The following PPP6R2 variants were observed in gnomAD, a reference collection of about 807,000 sequenced individuals.
The protein encoded by PPP6R2 is protein phosphatase 6 regulatory subunit 2.
In PPP6R2, 62 loss-of-function variants were observed where a neutral mutation model predicts 100.2. The ratio of observed to expected loss-of-function variants is 0.62; its 90% CI spans 0.50 to 0.76. The LOEUF (loss-of-function observed/expected upper bound fraction) is 0.76, where lower values mean the gene tolerates loss of function less well. Ranked by LOEUF, PPP6R2 falls within the 30% of genes least tolerant of loss-of-function variation. The pLI, the probability that PPP6R2 is intolerant of heterozygous loss-of-function variation, is 0.00. For missense variants in PPP6R2, 1,142 were observed against 1,276.3 expected, an observed-to-expected ratio of 0.89 and a Z score of 1.60; for synonymous variants, 525 against 514.7, an observed-to-expected ratio of 1.02 and a Z score of -0.27.
chr22:50,354,450 C>G (rs2046011839), intron 1 of PPP6R2, among the ~76,000 whole-genome samples: 1 of 152,134 alleles, frequency 6.6e-6, no homozygotes, highest in Non-Finnish European at 1.5e-5. Flanking sequence ...CATGTAGATG[C>G]TCAACAAGTT....
At chr22:50,374,008 A>C (rs2148563277) in intron 2 of PPP6R2, among the ~76,000 whole-genome samples, 1 of 152,222 alleles carries the variant, frequency 6.6e-6, no homozygotes, top group South Asian at 2.1e-4. Context: ...TACTGGGATT[A>C]TTATAGGCGT....
chr22:50,418,505 G>A (rs2060851633), intron 6 of PPP6R2, among the ~76,000 whole-genome samples: 1 of 151,824 alleles, frequency 6.6e-6, no homozygotes, highest in African/African-American at 2.4e-5. Context: ...CCTGCCCTCA[G>A]CCAACCGAGT....
chr22:50,340,448 GGTGT>G (rs376846049), upstream of PPP6R2, among the ~76,000 whole-genome samples: 2 of 138,608 alleles, frequency 1.4e-5, no homozygotes, highest in Admixed American at 1.5e-4. Flanking sequence ...TGTGGTATGT[GGTGT>G]GTGTGTGGTA....
rs1395969186 is a variant in PPP6R2, at chr22:50,371,811, A to AT, written c.-147-203dup. ...GCCACCACACCCGGCTAATTTTTGTATTTTTTGGTAGAAATGAGGTTTTTC... is the reference window on the plus strand; with the variant it reads ...GCCACCACACCCGGCTAATTTTTGTATTTTTTTGGTAGAAATGAGGTTTTTC... On this transcript the variant is annotated intron_variant, in intron 1 of 23. Transcript: ENST00000612753. Among the ~76,000 whole-genome samples the AT allele has an allele frequency of 2.6e-5, 4 of 151,970 alleles. No individual in the cohort carries two copies. In the East Asian group the frequency reaches 5.8e-4, roughly 22 times the overall value.
chr22:50,416,397 C>T (rs2060544289), intron 6 of PPP6R2, among the ~76,000 whole-genome samples: 1 of 151,020 alleles, frequency 6.6e-6, no homozygotes, highest in African/African-American at 2.4e-5. Context: ...GGTGCAATCT[C>T]GGCTCACCAC....
chr22:50,424,985 CTT>C (rs754068988), intron 10 of PPP6R2, among the ~76,000 whole-genome samples: 8 of 152,210 alleles, frequency 5.3e-5, no homozygotes, highest in Non-Finnish European at 1.0e-4. Context: ...TTCTTCCTCT[CTT>C]TTATATTTAC....
chr22:50,412,577 T>C (rs2059901799), intron 4 of PPP6R2, among the ~76,000 whole-genome samples: 1 of 151,946 alleles, frequency 6.6e-6, no homozygotes. Context: ...TTGTGGAGTT[T>C]TAGTATGTTC....
chr22:50,441,768 C>T (rs1410576878), intron 22 of PPP6R2, among the ~76,000 whole-genome samples: 1 of 152,176 alleles, frequency 6.6e-6, no homozygotes, highest in Non-Finnish European at 1.5e-5. Flanking sequence ...CATCCGTCCC[C>T]AGGGCCACAG....
chr22:50,380,273 G>A (rs554595228), intron 2 of PPP6R2, among the ~76,000 whole-genome samples: 11 of 151,298 alleles, frequency 7.3e-5, no homozygotes, highest in Middle Eastern at 6.8e-3. Context: ...GGGTTTTACC[G>A]TGTTAGCCAG....
intron 4 of PPP6R2, among the ~76,000 whole-genome samples, chr22:50,408,409 G>A (rs141294672): frequency 3.9e-5 from 6 of 152,270 alleles, no homozygotes; most frequent in Non-Finnish European, 8.8e-5. Flanking sequence ...GTGGAATGCC[G>A]TCTTCCCTTG....
intron 1 of PPP6R2, among the ~76,000 whole-genome samples, chr22:50,356,786 T>G (rs2046684666): frequency 6.6e-6 from 1 of 151,816 alleles, no homozygotes; most frequent in African/African-American, 2.4e-5. Flanking sequence ...AATAAAAAAA[T>G]TAGCCGGCCA....
chr22:50,403,010 C>T (rs9616951), intron 3 of PPP6R2, among the ~76,000 whole-genome samples: 51,136 of 151,880 alleles, frequency 0.34, 9,555 homozygotes, highest in East Asian at 0.74. Context: ...GTCAGGAGTT[C>T]GAGACCAGCC....
intron 2 of PPP6R2, among the ~76,000 whole-genome samples, chr22:50,384,035 CAAAAAAAAA>C (rs547396966): frequency 6.6e-5 from 5 of 75,928 alleles, no homozygotes; most frequent in African/African-American, 1.8e-4. Flanking sequence ...GACTCCATCT[CAAAAAAAAA>C]AAAAAAAAAA....
chr22:50,346,654 G>T (rs1388147924), intron 1 of PPP6R2, among the ~76,000 whole-genome samples: 1 of 126,402 alleles, frequency 7.9e-6, no homozygotes, highest in African/African-American at 3.2e-5. Context: ...CCGTCAGTCA[G>T]TGCCCCTTGC....
intron 1 of PPP6R2, among the ~76,000 whole-genome samples, chr22:50,346,637 C>T (rs570222194): frequency 7.3e-6 from 1 of 137,516 alleles, no homozygotes; most frequent in Non-Finnish European, 1.6e-5. Context: ...CCCATCAGTG[C>T]CCCCCACCGT....
chr22:50,420,037 C>T (rs769581692), intron 8 of PPP6R2, among the ~76,000 whole-genome samples: 27 of 152,214 alleles, frequency 1.8e-4, no homozygotes, highest in Non-Finnish European at 3.4e-4. Context: ...TGCACTAACA[C>T]GGGCCCGAGG....
intron 4 of PPP6R2, among the ~76,000 whole-genome samples, chr22:50,413,571 C>A (rs2060064261): frequency 6.6e-6 from 1 of 152,184 alleles, no homozygotes. Flanking sequence ...CCCCTTGTTT[C>A]ATTCTTAATA....
At position 50,362,806 on chromosome 22, in the gene PPP6R2, A is replaced by G. The variant is rs2048045079; in HGVS notation, c.-147-9214A>G. Among the ~76,000 whole-genome samples the G allele has an allele frequency of 2.0e-5, 3 of 152,210 alleles. No homozygotes were observed. In the South Asian group the frequency reaches 6.2e-4, roughly 32 times the overall value. Reference sequence around the variant, plus strand: ...GAAGGCAATGGTCTAAGGGCAGGGAAGACAGGCTTTCTCAGCAACCTAATT... The same window carrying G: ...GAAGGCAATGGTCTAAGGGCAGGGAGGACAGGCTTTCTCAGCAACCTAATT... On this transcript the variant is annotated intron_variant, in intron 1 of 23. Coordinates refer to ENST00000612753, the MANE Select transcript of PPP6R2 (RefSeq NM_001242898.2).
rs965863353 is a variant in PPP6R2 at position 50,445,056 on chromosome 22, C to T, written c.*809C>T. ...TCACCTGACAGGGCACCCCAAACCC[C>T]CAACTCCCAATAAAAGCCGTGACGT... On this transcript the variant is annotated 3_prime_UTR_variant, in exon 24 of 24. Transcript: ENST00000612753. 6.5e-6 allele frequency: 1 copy of T among 152,746 alleles called. No homozygotes were observed. Among genetic ancestry groups the T allele is most frequent in the Admixed American group, 6.5e-5 (1 of 15,276 alleles). 9.5% of individuals were successfully genotyped at this position (152,746 alleles called of 1,614,324 possible).
Sources: allele counts gnomAD v4.1 joint callset (sites outside exome capture counted in the v4.1 genomes callset), GRCh38; gene constraint gnomAD v4.1.1; transcripts MANE v1.5; gene names NCBI Gene and HGNC (gene_info 2026-07-23, HGNC 2026-07-21).